The following PPP1R9A variants were observed in gnomAD, a reference collection of about 807,000 sequenced individuals.
PPP1R9A encodes neurabin-1.
Under a neutral mutation model 141.9 loss-of-function variants are expected in PPP1R9A, and 59 were observed. The ratio of observed to expected loss-of-function variants is 0.42; its 90% confidence interval spans 0.34 to 0.52. The LOEUF is 0.52. PPP1R9A is among the 20% of genes least tolerant of loss of function. The pLI, the probability that PPP1R9A is intolerant of heterozygous loss-of-function variation, is 0.10. For missense variants in PPP1R9A, 1,444 were observed against 1,611.9 expected (o/e 0.90, Z 1.78); for synonymous variants, 500 against 569.7 (o/e 0.88, Z 1.74).
intron 4 of PPP1R9A, among the ~76,000 whole-genome samples, chr7:95,123,215 A>ACAT (rs781398835): frequency 3.9e-5 from 6 of 152,184 alleles, no homozygotes; most frequent in Non-Finnish European, 5.9e-5. Context: ...TTCATTATTT[A>ACAT]TAACTACATT....
chr7:95,078,632 C>T (rs548054527), intron 2 of PPP1R9A, among the ~76,000 whole-genome samples: 8 of 152,326 alleles, frequency 5.3e-5, no homozygotes, highest in African/African-American at 1.9e-4. Context: ...CACATCCTCT[C>T]CAGCAACTGT....
At chr7:95,124,236 C>G (rs1382821838) in intron 4 of PPP1R9A, among the ~76,000 whole-genome samples, 1 of 152,080 alleles carries the variant, frequency 6.6e-6, no homozygotes, top group African/African-American at 2.4e-5. Flanking sequence ...TGCAGTTCCT[C>G]TAGTCAATAA....
intron 2 of PPP1R9A, among the ~76,000 whole-genome samples, chr7:95,064,914 T>C (rs570877463): frequency 1.5e-4 from 23 of 152,350 alleles, no homozygotes; most frequent in Non-Finnish European, 3.2e-4. Context: ...TATAATGTCT[T>C]ATAAAATTTT....
At chr7:95,080,495 A>G (rs1041461100) in intron 2 of PPP1R9A, among the ~76,000 whole-genome samples, 20 of 152,136 alleles carry the variant, frequency 1.3e-4, no homozygotes, top group South Asian at 4.1e-4. Context: ...AATCAATATC[A>G]TGAAAATGGC....
intron 7 of PPP1R9A, among the ~76,000 whole-genome samples, chr7:95,210,817 A>G (rs763577793): frequency 6.6e-6 from 1 of 152,228 alleles, no homozygotes; most frequent in African/African-American, 2.4e-5. Flanking sequence ...CTATGCAGTC[A>G]TAAAAAAGGA....
intron 2 of PPP1R9A, among the ~76,000 whole-genome samples, chr7:94,955,988 C>T (rs1329225667): frequency 6.6e-6 from 1 of 152,114 alleles, no homozygotes; most frequent in Non-Finnish European, 1.5e-5. Context: ...TGCCTACTTG[C>T]CTACCTGCCA....
At chr7:95,142,286 C>A (rs567629154) in intron 4 of PPP1R9A, among the ~76,000 whole-genome samples, 34 of 152,060 alleles carry the variant, frequency 2.2e-4, no homozygotes, top group African/African-American at 7.9e-4. Context: ...TAAACATTTT[C>A]TTTTAACTTA....
At chr7:95,120,259 A>C (rs1472660186) in intron 3 of PPP1R9A, among the ~76,000 whole-genome samples, 1 of 152,166 alleles carries the variant, frequency 6.6e-6, no homozygotes, top group Non-Finnish European at 1.5e-5. Flanking sequence ...GCCCAGCCAC[A>C]TGTACTATCT....
intron 2 of PPP1R9A, among the ~76,000 whole-genome samples, chr7:94,960,944 A>T (rs539249063): frequency 1.4e-3 from 218 of 151,848 alleles, no homozygotes; most frequent in Non-Finnish European, 2.2e-3. Flanking sequence ...TTTCTAAATC[A>T]TCCCTATTGG....
At chr7:94,948,098 G>A (rs562665073) in intron 2 of PPP1R9A, among the ~76,000 whole-genome samples, 36 of 151,988 alleles carry the variant, frequency 2.4e-4, no homozygotes, top group Non-Finnish European at 2.6e-4. Flanking sequence ...GTAATCCCAT[G>A]GTGGGTTCTC....
intron 2 of PPP1R9A, among the ~76,000 whole-genome samples, chr7:94,973,299 A>G (rs1177983394): frequency 6.6e-6 from 1 of 152,214 alleles, no homozygotes; most frequent in Non-Finnish European, 1.5e-5. Flanking sequence ...TGAACTGCTT[A>G]TTTTTAAAAA....
intron 4 of PPP1R9A, among the ~76,000 whole-genome samples, chr7:95,123,793 C>T (rs1226756131): frequency 6.6e-6 from 1 of 152,166 alleles, no homozygotes; most frequent in Non-Finnish European, 1.5e-5. Context: ...ATCTACATCG[C>T]AGGTTGTGGT....
intron 7 of PPP1R9A, among the ~76,000 whole-genome samples, chr7:95,213,379 G>C (rs1792565607): frequency 8.1e-6 from 1 of 123,522 alleles, no homozygotes; most frequent in African/African-American, 3.2e-5. Flanking sequence ...ACAGCACATT[G>C]ATGCAATCTT....
chr7:95,233,512 T>C (rs1348692154), intron 8 of PPP1R9A, among the ~76,000 whole-genome samples: 1 of 151,880 alleles, frequency 6.6e-6, no homozygotes, highest in Non-Finnish European at 1.5e-5. Flanking sequence ...ACTTAAAGTA[T>C]AATAAAAAAA....
At chr7:95,057,728 G>T (rs571312705) in intron 2 of PPP1R9A, among the ~76,000 whole-genome samples, 1 of 151,992 alleles carries the variant, frequency 6.6e-6, no homozygotes, top group Non-Finnish European at 1.5e-5. Context: ...CACTTACCCA[G>T]CTTTCTGCTT....
chr7:95,072,271 T>C (rs890443579), intron 2 of PPP1R9A, among the ~76,000 whole-genome samples: 1 of 144,952 alleles, frequency 6.9e-6, no homozygotes, highest in Admixed American at 7.1e-5. Context: ...TATATAATAA[T>C]ATATAATATA....
chr7:94,996,551 C>A (rs1301906400), intron 2 of PPP1R9A, among the ~76,000 whole-genome samples: 1 of 152,144 alleles, frequency 6.6e-6, no homozygotes, highest in African/African-American at 2.4e-5. Context: ...CTTACTTGAG[C>A]ATCTGTGAGT....
chr7:94,974,202 A>G (rs150630723), intron 2 of PPP1R9A, among the ~76,000 whole-genome samples: 3 of 152,270 alleles, frequency 2.0e-5, no homozygotes, highest in South Asian at 2.1e-4. Flanking sequence ...AGGATCGCCT[A>G]AGGAGCTTGG....
intron 15 of PPP1R9A, 40 bp from the exon 16 acceptor site, chr7:95,274,045 A>T: frequency 6.7e-7 from 1 of 1,503,512 alleles, no homozygotes; most frequent in Non-Finnish European, 9.1e-7. Flanking sequence ...GAAAGAGAAA[A>T]TTTCAGCTTC....
Sources: gnomAD v4.1 joint callset for allele counts (sites outside exome capture counted in the v4.1 genomes callset) on GRCh38, gnomAD v4.1.1 for gene constraint, MANE v1.5 for transcripts, NCBI Gene and HGNC (gene_info 2026-07-23, HGNC 2026-07-21) for gene names.